The following SPOPL variants were observed in gnomAD, a reference collection of about 807,000 sequenced individuals.
SPOPL encodes speckle type BTB/POZ protein like, also known as speckle-type POZ protein-like.
A neutral mutation model predicts 53.8 loss-of-function variants in SPOPL; 23 were observed. The observed-to-expected ratio is 0.43, with a 90% CI of 0.31 to 0.61. The LOEUF is 0.61. Among genes scored for constraint, SPOPL ranks in the 20% least tolerant of loss-of-function variants. The pLI is 0.12. For missense variants in SPOPL, 442 were observed against 466.9 expected, an observed-to-expected ratio of 0.95 and a Z score of 0.49; for synonymous variants, 164 against 149.7, an observed-to-expected ratio of 1.10 and a Z score of -0.70.
intron 1 of SPOPL, among the ~76,000 whole-genome samples, chr2:138,520,636 A>G (rs960276564): frequency 3.9e-5 from 6 of 152,192 alleles, no homozygotes; most frequent in Non-Finnish European, 7.3e-5. Context: ...TACATGGCCT[A>G]CATTAGTGTA....
chr2:138,516,831 A>G (rs1242199440), intron 1 of SPOPL, among the ~76,000 whole-genome samples: 1 of 152,238 alleles, frequency 6.6e-6, no homozygotes, highest in Non-Finnish European at 1.5e-5. Flanking sequence ...GATCCTTCAC[A>G]GGTGTAAGAA....
chr2:138,557,122 C>T (rs901246690), intron 5 of SPOPL, among the ~76,000 whole-genome samples: 3 of 151,988 alleles, frequency 2.0e-5, no homozygotes, highest in Admixed American at 6.6e-5. Context: ...CGCCACTGCA[C>T]TCCAGCCTGG....
chr2:138,544,435 G>C (rs1475088681), intron 1 of SPOPL, among the ~76,000 whole-genome samples: 2 of 152,210 alleles, frequency 1.3e-5, no homozygotes, highest in African/African-American at 4.8e-5. Context: ...GGTAGCAGTG[G>C]GCGCTCCTCC....
intron 1 of SPOPL, among the ~76,000 whole-genome samples, chr2:138,513,975 T>C (rs1276304992): frequency 6.6e-6 from 1 of 152,324 alleles, no homozygotes; most frequent in East Asian, 1.9e-4. Flanking sequence ...TTTTTTATTT[T>C]AAGTAAACTT....
At chr2:138,552,857 C>T (rs1685343047) in intron 5 of SPOPL, among the ~76,000 whole-genome samples, 176 bp downstream of exon 5, 1 of 151,844 alleles carries the variant, frequency 6.6e-6, no homozygotes, top group African/African-American at 2.4e-5. Context: ...GTGTAATGAC[C>T]CAGTCTGGAA....
intron 1 of SPOPL, among the ~76,000 whole-genome samples, chr2:138,518,275 A>G (rs555667784): frequency 6.6e-6 from 1 of 152,274 alleles, no homozygotes; most frequent in Admixed American, 6.5e-5. Flanking sequence ...AGTTTTTATT[A>G]TAGATGAATT....
At chr2:138,519,572 G>A (rs1684514060) in intron 1 of SPOPL, among the ~76,000 whole-genome samples, 1 of 152,172 alleles carries the variant, frequency 6.6e-6, no homozygotes, top group African/African-American at 2.4e-5. Context: ...GTTTAGGTGG[G>A]AGGATCACTT....
chr2:138,523,808 G>T (rs970505966), intron 1 of SPOPL, among the ~76,000 whole-genome samples: 1 of 152,182 alleles, frequency 6.6e-6, no homozygotes, highest in East Asian at 1.9e-4. Context: ...AAGCAGTTCT[G>T]CCCCTGTGGT....
chr2:138,540,393 C>T (rs1325665529), intron 1 of SPOPL, among the ~76,000 whole-genome samples: 4 of 152,256 alleles, frequency 2.6e-5, no homozygotes. Flanking sequence ...GAATGTTCTT[C>T]CATTTGTTTG....
chr2:138,560,241 T>C (rs1037678890), intron 7 of SPOPL, among the ~76,000 whole-genome samples: 1 of 152,148 alleles, frequency 6.6e-6, no homozygotes, highest in Non-Finnish European at 1.5e-5. Flanking sequence ...AATTCTGAGG[T>C]AGTGGGCTTT....
rs1348830727 is a variant in SPOPL, at chr2:138,564,968, A to G, written c.1009A>G (p.Lys337Glu). 2 of 1,614,096 alleles carry G rather than the reference A, an allele frequency of 1.2e-6. No homozygotes were observed. The highest frequency in any genetic ancestry group is 1.7e-6 in the Non-Finnish European group (2 of 1,180,006). ...CAGTGTACTTCGACAACTTGGGTGT[A>G]AAGATGGGAAAAACTGGAACAGCAA... is the stretch of plus-strand genomic sequence containing the variant. ...RCSVLRQLGC[K>E]DGKNWNSNQA... Residue 337 changes from lysine to glutamate, a missense_variant, in exon 10 of 11, where the codon AAA (lysine) becomes GAA (glutamate). Physicochemically the swap from Lys to Glu is moderately conservative, Grantham distance 56 (BLOSUM62 1). Transcript: ENST00000280098.
At chr2:138,559,466 G>A in intron 7 of SPOPL, 129 bp downstream of exon 7, 3 of 884,466 alleles carry the variant, frequency 3.4e-6, no homozygotes, top group Non-Finnish European at 3.4e-6. Context: ...TTACAAACAG[G>A]AAAAAAATGT....
At position 138,550,268 on chromosome 2, in the gene SPOPL, A is replaced by G. The variant is rs772767550; in HGVS notation, c.52A>G (p.Ile18Val). Residue 18 changes from isoleucine (I) to valine (V), a missense_variant, in exon 2 of 11, where the codon ATA becomes GTA. Coordinates refer to ENST00000280098, the MANE Select transcript of SPOPL (RefSeq NM_001001664.3). ...ACCTGGAGATATGTCTACTGGTCCC[A>G]TAGCAGAAAGCTGGTGTTACACACA... ...PLPGDMSTGP[I>V]AESWCYTQVK... 1.2e-5 allele frequency: 20 copies of G among 1,613,598 alleles called. No homozygotes were observed. Among genetic ancestry groups the G allele is most frequent in the East Asian group, 4.5e-5 (2 of 44,860 alleles).
intron 1 of SPOPL, among the ~76,000 whole-genome samples, chr2:138,549,121 T>C (rs1179826415): frequency 1.3e-5 from 2 of 152,148 alleles, no homozygotes; most frequent in African/African-American, 2.4e-5. Flanking sequence ...CATTATTGAA[T>C]GTTGGGTATT....
intron 5 of SPOPL, 25 bp from the exon 6 acceptor site, chr2:138,558,997 T>C (rs773548889): frequency 4.5e-6 from 7 of 1,543,268 alleles, no homozygotes; most frequent in Non-Finnish European, 6.1e-6. Flanking sequence ...TGAAAGTGTT[T>C]TTCTTGCTGT....
intron 1 of SPOPL, among the ~76,000 whole-genome samples, chr2:138,522,476 G>A (rs548184613): frequency 3.9e-5 from 6 of 152,184 alleles, no homozygotes; most frequent in South Asian, 4.1e-4. Context: ...CTGGGGTCCT[G>A]TGTAAATATA....
At chr2:138,525,338 A>T (rs1684647517) in intron 1 of SPOPL, among the ~76,000 whole-genome samples, 1 of 152,178 alleles carries the variant, frequency 6.6e-6, no homozygotes, top group Non-Finnish European at 1.5e-5. Context: ...TCCTCCCACA[A>T]CACATGGGAA....
At chr2:138,527,549 C>CT (rs1684702315) in intron 1 of SPOPL, among the ~76,000 whole-genome samples, 1 of 152,164 alleles carries the variant, frequency 6.6e-6, no homozygotes. Flanking sequence ...TTTCTGACCA[C>CT]TTTTTCAAAG....
chr2:138,530,439 A>G lies in SPOPL; in HGVS notation c.-60-19718A>G, dbSNP rs183678295. On this transcript the variant is annotated intron_variant, in intron 1 of 10. Transcript: ENST00000280098. Reference sequence around the variant, plus strand: ...TCCACAATGGTTGAAGTCAGTCTGCATATATTGAAATTGATGTCTTTAGAA... The same window carrying G: ...TCCACAATGGTTGAAGTCAGTCTGCGTATATTGAAATTGATGTCTTTAGAA... Among the ~76,000 whole-genome samples, 866 of 152,292 alleles carry G rather than the reference A, an allele frequency of 5.7e-3. 6 individuals carry two copies. Among genetic ancestry groups the G allele is most frequent in the Non-Finnish European group, 9.5e-3 (649 of 68,010 alleles).
Sources: allele counts gnomAD v4.1 joint callset (sites outside exome capture counted in the v4.1 genomes callset), GRCh38; gene constraint gnomAD v4.1.1; transcripts MANE v1.5; gene names NCBI Gene and HGNC (gene_info 2026-07-23, HGNC 2026-07-21).